Variants in TMEM268 observed in about 807,000 individuals in gnomAD.
TMEM268 encodes the protein transmembrane protein 268.
TMEM268 carries 24 observed loss-of-function variants against 39.1 expected under a neutral mutation model. The ratio of observed to expected loss-of-function variants is 0.61; its 90% CI spans 0.44 to 0.86. TMEM268 has a LOEUF of 0.86. Among genes scored for constraint, TMEM268 ranks in the 40% least tolerant of loss-of-function variants. TMEM268 has a pLI of 0.00. For synonymous variants in TMEM268, 176 were observed against 173.5 expected, an observed-to-expected ratio of 1.01 and a Z score of -0.12; for missense variants, 409 against 428.6, an observed-to-expected ratio of 0.95 and a Z score of 0.40.
In TMEM268 at chr9:114,643,179, C is replaced by T. The variant is rs756901201; in HGVS notation, c.895C>T (p.Arg299Trp). 50 of 1,614,088 alleles carry T rather than the reference C, an allele frequency of 3.1e-5. No homozygotes were observed. Among genetic ancestry groups the T allele is most frequent in the Middle Eastern group, 1.6e-4 (1 of 6,084 alleles). The change falls in exon 9 of 9, where the codon CGG (arginine) becomes TGG (tryptophan). Residue 299 changes from arginine to tryptophan, a missense_variant. Arg to Trp is a moderately radical substitution (Grantham distance 101, BLOSUM62 -3). Coordinates refer to ENST00000288502, the MANE Select transcript of TMEM268 (RefSeq NM_153045.4). ...GGCAGTGTTTGGCGGCTACTACATC[C>T]GGCTTCTAGTGACCTCCCAGCTCCC... Reference protein sequence around the residue: ...LLAVFGGYYIRLLVTSQLPQA... With the variant: ...LLAVFGGYYIWLLVTSQLPQA...
intron 2 of TMEM268, among the ~76,000 whole-genome samples, chr9:114,621,314 C>G (rs1210689769): frequency 6.7e-6 from 1 of 150,246 alleles, no homozygotes; most frequent in African/African-American, 2.5e-5. Flanking sequence ...TCACTGCACT[C>G]CAGCCTGGGT....
chr9:114,606,157 G>A, the TMEM268 span, among the ~76,000 whole-genome samples: 1 of 152,084 alleles, frequency 6.6e-6, no homozygotes, highest in Non-Finnish European at 1.5e-5. Context: ...CTTCTCCACA[G>A]CCGCTAGAGG....
intron 5 of TMEM268, among the ~76,000 whole-genome samples, chr9:114,633,274 G>A (rs776042599): frequency 4.6e-5 from 7 of 151,362 alleles, no homozygotes; most frequent in Non-Finnish European, 2.9e-5. Context: ...CAATTCTCCT[G>A]TCTCAGCCTC....
intron 5 of TMEM268, among the ~76,000 whole-genome samples, chr9:114,630,187 A>G (rs184691439): frequency 1.2e-4 from 19 of 152,292 alleles, no homozygotes; most frequent in African/African-American, 4.6e-4. Flanking sequence ...ACCAGGACAT[A>G]CCTTGTCAGG....
At chr9:114,605,402 T>C in the TMEM268 span, among the ~76,000 whole-genome samples, 1 of 152,064 alleles carries the variant, frequency 6.6e-6, no homozygotes, top group Admixed American at 6.5e-5. Context: ...GTTAAGCACA[T>C]TCTTTATTGA....
At chr9:114,640,893 C>T (rs1322318343) in intron 8 of TMEM268, among the ~76,000 whole-genome samples, 6 of 145,500 alleles carry the variant, frequency 4.1e-5, no homozygotes, top group Non-Finnish European at 7.5e-5. Flanking sequence ...TTTTTTTTTT[C>T]GAGAGGGAGT....
rs147029035 is a variant in TMEM268, at chr9:114,645,044, C to T, written c.*1731C>T. 2,775 of 152,396 alleles carry T rather than the reference C, an allele frequency of 0.018. 42 individuals are homozygous for T. The highest frequency in any genetic ancestry group is 0.032 in the Admixed American group (486 of 15,300). The allele number at this position is 152,396 out of a possible 1,614,324, so 9.4% of individuals were successfully genotyped here. On this transcript the variant is annotated 3_prime_UTR_variant, in exon 9 of 9. Coordinates refer to ENST00000288502, the MANE Select transcript of TMEM268 (RefSeq NM_153045.4). ...AACTCCTGACCTCAGGTGATCCACC[C>T]GCCTCGGGCTCCCAAAGTGCTGGGA... is the stretch of plus-strand genomic sequence containing the variant.
At chr9:114,643,005 G>A (rs1431008288) in intron 8 of TMEM268, 129 bp from the exon 9 acceptor site, 10 of 934,980 alleles carry the variant, frequency 1.1e-5, no homozygotes, top group Non-Finnish European at 1.3e-5. Context: ...ACCTGGCCTG[G>A]TTCTTCCTAG....
the TMEM268 span, among the ~76,000 whole-genome samples, chr9:114,604,179 G>A: frequency 5.9e-5 from 9 of 152,144 alleles, no homozygotes; most frequent in African/African-American, 1.4e-4. Context: ...TACCTTTTAT[G>A]TATCTTACCC....
At chr9:114,639,859 A>G (rs1846815148) in intron 8 of TMEM268, among the ~76,000 whole-genome samples, 1 of 150,250 alleles carries the variant, frequency 6.7e-6, no homozygotes, top group Non-Finnish European at 1.5e-5. Context: ...TCCTAGGATT[A>G]CAGGCATGAG....
In TMEM268 at chr9:114,644,605, C is replaced by T. The variant is rs1310977396; in HGVS notation, c.*1292C>T. ...CTGGACCTGCTAAGGAAAAAAAAAT[C>T]TTGTGGATTGATTGCTTTGCCATCC... On this transcript the variant is annotated 3_prime_UTR_variant, in exon 9 of 9. Coordinates refer to ENST00000288502, the MANE Select transcript of TMEM268 (RefSeq NM_153045.4). The T allele has an allele frequency of 6.6e-6, 1 of 151,544 alleles. No individual in the cohort carries two copies. The allele number at this position is 151,544 out of a possible 1,614,324, so 9.4% of individuals were successfully genotyped here.
chr9:114,627,149 A>G (rs1846197533), intron 4 of TMEM268, 143 bp downstream of exon 4: 4 of 549,864 alleles, frequency 7.3e-6, no homozygotes, highest in Non-Finnish European at 1.3e-5. Context: ...AGCAGTACAT[A>G]TGGACATTGA....
intron 1 of TMEM268, among the ~76,000 whole-genome samples, chr9:114,614,317 T>C (rs1029719127): frequency 1.3e-5 from 2 of 152,214 alleles, no homozygotes; most frequent in African/African-American, 4.8e-5. Flanking sequence ...GGCTCCTAAG[T>C]GATCTTCCAG....
the TMEM268 span, among the ~76,000 whole-genome samples, chr9:114,604,213 C>T: frequency 6.6e-6 from 1 of 152,090 alleles, no homozygotes. Context: ...CCCTTTACCT[C>T]TCCCAAATTG....
Position 114,617,242 on chromosome 9 carries a change from C to A in TMEM268, c.47C>A (p.Pro16His). Residue 16 changes from proline (P) to histidine (H), a missense_variant, in exon 2 of 9, where the codon CCC (proline) becomes CAC (histidine). Transcript: ENST00000288502. ...GACCCGGGGGCCACTGGCCCATTGCCCCCCTCCTCCCCTGGCTGGAGTGCC... is the reference window on the plus strand; with the variant it reads ...GACCCGGGGGCCACTGGCCCATTGCACCCCTCCTCCCCTGGCTGGAGTGCC... ...QVDPGATGPL[P>H]PSSPGWSALP... is the part of the protein sequence containing the mutation. 1 of 1,612,690 alleles carries A rather than the reference C, an allele frequency of 6.2e-7. No individual in the cohort carries two copies. Among genetic ancestry groups the A allele is most frequent in the Non-Finnish European group, 8.5e-7 (1 of 1,179,396 alleles).
At chr9:114,626,391 A>ATT (rs1411046130) in intron 3 of TMEM268, among the ~76,000 whole-genome samples, 1 of 152,242 alleles carries the variant, frequency 6.6e-6, no homozygotes, top group Non-Finnish European at 1.5e-5. Context: ...ATTAATAGAT[A>ATT]TTGATATTGC....
At chr9:114,632,445 C>A (rs2133679235) in intron 5 of TMEM268, among the ~76,000 whole-genome samples, 1 of 152,318 alleles carries the variant, frequency 6.6e-6, no homozygotes, top group South Asian at 2.1e-4. Flanking sequence ...CTGCTCTCTT[C>A]TAACTGAGTC....
chr9:114,614,325 C>G (rs1320505326), intron 1 of TMEM268, among the ~76,000 whole-genome samples: 2 of 152,178 alleles, frequency 1.3e-5, no homozygotes, highest in Non-Finnish European at 2.9e-5. Flanking sequence ...AGTGATCTTC[C>G]AGAGCTGAAA....
At chr9:114,622,100 T>C (rs1845969322) in intron 2 of TMEM268, 2 of 985,344 alleles carry the variant, frequency 2.0e-6, no homozygotes, top group Non-Finnish European at 2.4e-6. Flanking sequence ...GTTTGCCTAG[T>C]TGGCAGGGCT....
Sources: gnomAD v4.1 joint callset for allele counts (sites outside exome capture counted in the v4.1 genomes callset) on GRCh38, gnomAD v4.1.1 for gene constraint, MANE v1.5 for transcripts, NCBI Gene and HGNC (gene_info 2026-07-23, HGNC 2026-07-21) for gene names.